TRPM4: variants seen among roughly 807,000 people sequenced by gnomAD.
TRPM4 encodes transient receptor potential cation channel subfamily M member 4.
Under a neutral mutation model 135.6 loss-of-function variants are expected in TRPM4, and 124 were observed. The observed-to-expected ratio is 0.91, with a 90% CI of 0.79 to 1.06. The LOEUF is 1.06. Among genes scored for constraint, TRPM4 ranks in the 50% least tolerant of loss-of-function variants. The pLI is 0.00. For synonymous variants in TRPM4, 745 were observed against 705.6 expected, an observed-to-expected ratio of 1.06 and a Z score of -0.88; for missense variants, 1,658 against 1,671.4, an observed-to-expected ratio of 0.99 and a Z score of 0.14.
Position 49,171,579 on chromosome 19 carries a change from G to T in TRPM4, c.860G>T (p.Arg287Leu), listed in dbSNP as rs200707657. 1.9e-6 allele frequency: 3 copies of T among 1,613,946 alleles called. No individual in the cohort carries two copies. The highest frequency in any genetic ancestry group is 1.6e-4 in the Middle Eastern group (1 of 6,078). The change falls in exon 8 of 25, where the codon CGA becomes CTA. Residue 287 changes from arginine to leucine, a missense_variant and splice_region_variant. Transcript: ENST00000252826. This position sits in a 1 kb window ranked among gnomAD's most constrained non-coding sequence, Gnocchi z 4.7. ...ATAAAGAATGCCTTTATCCTGTAGC[G>T]AATAGAGAACGCCACCCAGGCTCAG... is the stretch of plus-strand genomic sequence containing the variant. The part of the protein sequence containing the change: ...LIDGDEKMLT[R>L]IENATQAQLP...
chr19:49,179,298 G>A (rs972333254), intron 9 of TRPM4, among the ~76,000 whole-genome samples: 1 of 150,834 alleles, frequency 6.6e-6, no homozygotes, highest in Non-Finnish European at 1.5e-5. Flanking sequence ...CAGGTGATTC[G>A]CCCACCTCGG....
rs760925558 is a variant in TRPM4, at chr19:49,167,986, C to G, written c.337C>G (p.Arg113Gly). 1 of 1,613,962 alleles carries G rather than the reference C, an allele frequency of 6.2e-7. No individual in the cohort carries two copies. The highest frequency in any genetic ancestry group is 8.5e-7 in the Non-Finnish European group (1 of 1,179,970). Reference protein sequence around the residue: ...YSLVTRTWGFRAPNLVVSVLG... With the variant: ...YSLVTRTWGFGAPNLVVSVLG... The stretch of plus-strand genomic sequence containing the variant: ...TCTGGTCACACGCACATGGGGCTTC[C>G]GTGCCCCGAACCTGGTGGTGTCAGT... Residue 113 changes from arginine (R) to glycine (G), a missense_variant, in exon 4 of 25, where the codon CGT (arginine) becomes GGT (glycine). Physicochemically the swap from Arg to Gly is moderately radical, Grantham distance 125 (BLOSUM62 -2). Transcript: ENST00000252826.
At position 49,183,134 on chromosome 19, in the gene TRPM4, G is replaced by A. The variant is rs1459775430; in HGVS notation, c.1665G>A (p.Gly555=). 1.2e-6 allele frequency: 2 copies of A among 1,613,956 alleles called. No homozygotes were observed. The highest frequency in any genetic ancestry group is 8.5e-7 in the Non-Finnish European group (1 of 1,180,012). ...CGCTCTCGCTGGATGCTGGCCTCGG[G>A]CAGGCCCCCTGGAGCGACCTGCTTC... ...TSPLSLDAGL[G]QAPWSDLLLW... Residue 555 remains glycine, a synonymous_variant, in exon 12 of 25, where the codon GGG becomes GGA. Transcript: ENST00000252826.
In TRPM4 at chr19:49,195,367, CTTCT is replaced by C. The variant is rs1195033368; in HGVS notation, c.2211-1070_2211-1067del. On this transcript the variant is annotated intron_variant, in intron 16 of 24. Coordinates refer to ENST00000252826, the MANE Select transcript of TRPM4 (RefSeq NM_017636.4). ...CACTCTATGGTCTTTTCTTCTTCTTCTTCTTTATTTTTTTATTTTTTGAGACGGA... is the reference window on the plus strand; with the variant it reads ...CACTCTATGGTCTTTTCTTCTTCTTCTTATTTTTTTATTTTTTGAGACGGA... 5.9e-5 allele frequency among the ~76,000 whole-genome samples: 9 copies of C among 152,212 alleles called. No homozygotes were observed. The South Asian group carries it at 1.0e-3, about 18-fold the overall frequency.
chr19:49,195,664 C>G (rs1354778327), intron 16 of TRPM4, among the ~76,000 whole-genome samples: 1 of 151,288 alleles, frequency 6.6e-6, no homozygotes, highest in Non-Finnish European at 1.5e-5. Context: ...GCTAGCGCGC[C>G]CAGCCCGTTT....
chr19:49,198,525 G>A (rs1229450598), intron 17 of TRPM4, among the ~76,000 whole-genome samples: 2 of 151,778 alleles, frequency 1.3e-5, no homozygotes, highest in Non-Finnish European at 2.9e-5. Flanking sequence ...GCAGGCGCCT[G>A]TAATCCCAGC....
chr19:49,191,380 C>T (rs1968406268), intron 16 of TRPM4, among the ~76,000 whole-genome samples: 1 of 151,356 alleles, frequency 6.6e-6, no homozygotes, highest in Non-Finnish European at 1.5e-5. Flanking sequence ...ATTTTTGTAT[C>T]TTTAAAGTAG....
In TRPM4 at chr19:49,158,275, CT is replaced by C. The variant is rs764750880; in HGVS notation, c.92+17del. The C allele has an allele frequency of 6.2e-7, 1 of 1,612,930 alleles. No individual in the cohort carries two copies. The highest frequency in any genetic ancestry group is 1.3e-5 in the African/African-American group (1 of 74,884). ...CAGATCCGGGGTGAGGAGTTCGCCCCTGGACTGACCCCAGAGGGTCCGCGGC... is the reference window on the plus strand; with the variant it reads ...CAGATCCGGGGTGAGGAGTTCGCCCCGGACTGACCCCAGAGGGTCCGCGGC... On this transcript the variant is annotated intron_variant, in intron 2 of 24. Coordinates refer to ENST00000252826, the MANE Select transcript of TRPM4 (RefSeq NM_017636.4).
chr19:49,181,512 G>A (rs370630200), intron 10 of TRPM4, 51 bp downstream of exon 10: 4 of 1,119,870 alleles, frequency 3.6e-6, no homozygotes, highest in African/African-American at 3.3e-5. Context: ...GGACTGTGCT[G>A]TCCTCCCTCT....
chr19:49,180,447 T>A (rs1967872507), intron 9 of TRPM4, among the ~76,000 whole-genome samples: 1 of 148,746 alleles, frequency 6.7e-6, no homozygotes, highest in African/African-American at 2.6e-5. Context: ...TGTGTGTGTG[T>A]GTGTGTGTGT....
intron 9 of TRPM4, among the ~76,000 whole-genome samples, chr19:49,180,826 C>T (rs1967890266): frequency 6.6e-6 from 1 of 151,954 alleles, no homozygotes; most frequent in Non-Finnish European, 1.5e-5. Flanking sequence ...CCACCCTGTA[C>T]ATCCATCTAT....
chr19:49,171,475 C>T lies in TRPM4; in HGVS notation c.858+57C>T, dbSNP rs1218846120. On this transcript the variant is annotated intron_variant, in intron 7 of 24. Transcript: ENST00000252826. The surrounding 1 kb of genome is among the most constrained non-coding windows in gnomAD (Gnocchi z 4.7). ...GGAAGGAGGGTTGGGGGCCAGGACT[C>T]CTGGGTCCTGAGTCTTAGGGAGGGT... is the stretch of plus-strand genomic sequence containing the variant. 6.2e-7 allele frequency: 1 copy of T among 1,612,244 alleles called. No homozygotes were observed. The highest frequency in any genetic ancestry group is 8.5e-7 in the Non-Finnish European group (1 of 1,178,776).
In TRPM4 at chr19:49,210,150, C is replaced by A; in HGVS notation, c.3132-59C>A. 1 of 1,554,662 alleles carries A rather than the reference C, an allele frequency of 6.4e-7. No individual in the cohort carries two copies. The highest frequency in any genetic ancestry group is 8.9e-7 in the Non-Finnish European group (1 of 1,125,764). ...CAATTATTGCCTGGCATCTAACCTT[C>A]GTCCTTGCCCCTGGCTGGGCCCTGA... On this transcript the variant is annotated intron_variant, in intron 20 of 24. Coordinates refer to ENST00000252826, the MANE Select transcript of TRPM4 (RefSeq NM_017636.4). The surrounding 1 kb of genome is among the most constrained non-coding windows in gnomAD (Gnocchi z 4.1).
intron 12 of TRPM4, 141 bp downstream of exon 12, chr19:49,183,353 C>A: frequency 1.1e-6 from 1 of 940,292 alleles, no homozygotes; most frequent in East Asian, 2.6e-5. Flanking sequence ...TATATGCCTC[C>A]AACTGCTTCC....
At position 49,200,647 on chromosome 19, in the gene TRPM4, G is replaced by A. The variant is rs749058255; in HGVS notation, c.2815G>A (p.Val939Met). ...GTTCTTCTTCCTCTTCTTCCTCGGC[G>A]TGTGGCTGGTAGCCTATGGCGTGGC... Reference protein sequence around the residue: ...DVFFFLFFLGVWLVAYGVATE... With the variant: ...DVFFFLFFLGMWLVAYGVATE... The change falls in exon 19 of 25, where the codon GTG becomes ATG. Residue 939 changes from valine to methionine, a missense_variant. Physicochemically the swap from Val to Met is conservative, Grantham distance 21 (BLOSUM62 1). Transcript: ENST00000252826. The A allele has an allele frequency of 4.3e-6, 7 of 1,613,888 alleles. No homozygotes were observed. In the South Asian group the frequency reaches 5.5e-5, roughly 13 times the overall value.
chr19:49,208,531 C>G (rs1446609507), intron 20 of TRPM4, among the ~76,000 whole-genome samples: 2 of 152,130 alleles, frequency 1.3e-5, no homozygotes, highest in African/African-American at 4.8e-5. Context: ...CACTTCTCAT[C>G]ATGCCCCTTC....
intron 20 of TRPM4, among the ~76,000 whole-genome samples, chr19:49,205,593 T>C (rs1275658536): frequency 1.4e-5 from 2 of 143,266 alleles, no homozygotes; most frequent in Admixed American, 7.7e-5. Context: ...TGGAGTGCAA[T>C]GGCGTGATCT....
chr19:49,202,941 G>A (rs1968992821), intron 20 of TRPM4, among the ~76,000 whole-genome samples: 1 of 140,560 alleles, frequency 7.1e-6, no homozygotes, highest in Non-Finnish European at 1.5e-5. Context: ...AGAGTGCAGT[G>A]GCACGATCTC....
At chr19:49,204,604 C>T (rs1369764341) in intron 20 of TRPM4, among the ~76,000 whole-genome samples, 1 of 152,014 alleles carries the variant, frequency 6.6e-6, no homozygotes, top group Non-Finnish European at 1.5e-5. Context: ...CCACTTCACA[C>T]CTGCAGCCTC....
Sources: gnomAD v4.1 joint callset for allele counts (sites outside exome capture counted in the v4.1 genomes callset) on GRCh38, gnomAD v4.1.1 for gene constraint, Gnocchi (gnomAD v3.1) non-coding constraint, MANE v1.5 for transcripts, NCBI Gene and HGNC (gene_info 2026-07-23, HGNC 2026-07-21) for gene names.